Variants in GUCY1A2 observed in about 807,000 individuals in gnomAD.
GUCY1A2 encodes the protein guanylate cyclase soluble subunit alpha-2.
A neutral mutation model predicts 63.5 loss-of-function variants in GUCY1A2; 27 were observed. The ratio of observed to expected loss-of-function variants is 0.43; its 90% confidence interval spans 0.31 to 0.59. The LOEUF (loss-of-function observed/expected upper bound fraction) is 0.59. Among genes scored for constraint, GUCY1A2 ranks in the 20% least tolerant of loss-of-function variants. GUCY1A2 has a pLI of 0.11. For missense variants in GUCY1A2, 768 were observed against 913.3 expected (o/e 0.84, Z 2.05); for synonymous variants, 364 against 343.5 (o/e 1.06, Z -0.66).
At chr11:106,983,617 T>C (rs1030645302) in intron 2 of GUCY1A2, among the ~76,000 whole-genome samples, 23 of 152,142 alleles carry the variant, frequency 1.5e-4, no homozygotes, top group Non-Finnish European at 2.6e-4. Context: ...AGAAGGTTAG[T>C]GGTTGAAGGA....
chr11:106,877,087 T>C (rs777481780), intron 4 of GUCY1A2, among the ~76,000 whole-genome samples: 1 of 152,060 alleles, frequency 6.6e-6, no homozygotes, highest in Non-Finnish European at 1.5e-5. Context: ...AAGCAGCCTT[T>C]AGAAGTTGAA....
intron 6 of GUCY1A2, among the ~76,000 whole-genome samples, chr11:106,714,000 A>T (rs1285498091): frequency 3.4e-5 from 3 of 87,598 alleles, no homozygotes; most frequent in African/African-American, 1.8e-4. Context: ...CACATTTTAC[A>T]CTCTTTTTTT....
chr11:106,971,061 A>G (rs1407891612), intron 3 of GUCY1A2, among the ~76,000 whole-genome samples: 1 of 152,236 alleles, frequency 6.6e-6, no homozygotes, highest in East Asian at 1.9e-4. Flanking sequence ...AGGGATTTGG[A>G]GGTGACATGC....
At position 106,708,659 on chromosome 11, in the gene GUCY1A2, A is replaced by G; in HGVS notation, c.1844T>C (p.Ile615Thr). The G allele has an allele frequency of 6.3e-7, 1 of 1,591,880 alleles. No homozygotes were observed. Among genetic ancestry groups the G allele is most frequent in the Non-Finnish European group, 8.6e-7 (1 of 1,166,774 alleles). ...TPDGRPIQMR[I>T]GIHSGSVLAG... ...CAGCACGGAGCCTGAGTGAATTCCT[A>G]TCCTCATCTAAAGAAGAATGAAAGA... Residue 615 changes from isoleucine to threonine, a missense_variant, in exon 7 of 8, where the codon ATA becomes ACA. Transcript: ENST00000526355.
rs1862321798 is a variant in GUCY1A2, at chr11:106,674,998, T to C, written c.*12551A>G. On this transcript the variant is annotated 3_prime_UTR_variant, in exon 8 of 8. Transcript: ENST00000526355. Reference sequence around the variant, plus strand: ...TTGAAGTGAGTATTAATAGGATTATTACTATTAGGATATTACTATTAGGAT... The same window carrying C: ...TTGAAGTGAGTATTAATAGGATTATCACTATTAGGATATTACTATTAGGAT... 4.7e-6 allele frequency: 1 copy of C among 212,788 alleles called. No individual in the cohort carries two copies. The highest frequency in any genetic ancestry group is 7.0e-5 in the East Asian group (1 of 14,212). The allele number at this position is 212,788 out of a possible 1,614,324, so 13.2% of individuals were successfully genotyped here.
At chr11:106,970,515 T>G (rs886518322) in intron 3 of GUCY1A2, among the ~76,000 whole-genome samples, 3 of 152,228 alleles carry the variant, frequency 2.0e-5, no homozygotes, top group Non-Finnish European at 4.4e-5. Flanking sequence ...GTGCTGCTTT[T>G]GTTTATTAAA....
intron 4 of GUCY1A2, among the ~76,000 whole-genome samples, chr11:106,849,416 C>A (rs907272633): frequency 2.7e-5 from 4 of 150,438 alleles, no homozygotes; most frequent in Non-Finnish European, 5.9e-5. Context: ...TAATTATAAG[C>A]AAATTATAGA....
At position 106,688,497 on chromosome 11, in the gene GUCY1A2, A is replaced by G. The variant is rs76641647; in HGVS notation, c.1992-741T>C. Among the ~76,000 whole-genome samples the G allele has an allele frequency of 2.3e-3, 343 of 152,318 alleles. 8 individuals carry two copies. In the East Asian group the frequency reaches 0.041, roughly 18 times the overall value. On this transcript the variant is annotated intron_variant, in intron 7 of 7. Coordinates refer to ENST00000526355, the MANE Select transcript of GUCY1A2 (RefSeq NM_000855.3). ...GCCCAACAATTCAATTTAATTCAAC[A>G]GCTCTTGATAGACTGTTTCTTATTG...
intron 1 of GUCY1A2, among the ~76,000 whole-genome samples, chr11:106,999,477 A>G (rs1204884882): frequency 2.0e-5 from 3 of 152,138 alleles, no homozygotes; most frequent in Non-Finnish European, 4.4e-5. Flanking sequence ...TGTTTTCTTG[A>G]TGTTATGTAA....
intron 3 of GUCY1A2, among the ~76,000 whole-genome samples, chr11:106,960,025 G>A (rs895850669): frequency 1.4e-5 from 2 of 139,948 alleles, no homozygotes; most frequent in African/African-American, 2.7e-5. Context: ...CAGCAACATC[G>A]CAAACATTTT....
intron 4 of GUCY1A2, among the ~76,000 whole-genome samples, chr11:106,904,548 A>G (rs1301111718): frequency 6.6e-6 from 1 of 152,112 alleles, no homozygotes; most frequent in African/African-American, 2.4e-5. Context: ...AAATTTTTAC[A>G]TGAATTAATT....
intron 7 of GUCY1A2, among the ~76,000 whole-genome samples, chr11:106,690,316 C>A (rs114413159): frequency 2.6e-5 from 4 of 151,288 alleles, no homozygotes; most frequent in African/African-American, 9.7e-5. Flanking sequence ...GTGGTAAATA[C>A]GGACTATGGA....
chr11:106,791,540 ACAGT>A (rs3042527), intron 5 of GUCY1A2, among the ~76,000 whole-genome samples: 69,191 of 151,890 alleles, frequency 0.46, 16,072 homozygotes, highest in African/African-American at 0.51. Flanking sequence ...TGTGAAGGAG[ACAGT>A]CAGTGGAAAC....
At chr11:106,806,914 T>A (rs1033388786) in intron 5 of GUCY1A2, among the ~76,000 whole-genome samples, 1 of 152,168 alleles carries the variant, frequency 6.6e-6, no homozygotes, top group South Asian at 2.1e-4. Flanking sequence ...CTTCACTCTA[T>A]CATCTGCCTG....
chr11:106,709,621 G>GTATATATTATATACACGTATAGAATAGT (rs1863033629), intron 6 of GUCY1A2, among the ~76,000 whole-genome samples: 1 of 37,864 alleles, frequency 2.6e-5, no homozygotes, highest in Non-Finnish European at 5.7e-5. Context: ...TTATATACGT[G>GTATATATTATATACACGTATAGAATAGT]TATATATTAT....
At chr11:106,984,929 T>G (rs117995478) in intron 2 of GUCY1A2, among the ~76,000 whole-genome samples, 1,608 of 152,292 alleles carry the variant, frequency 0.011, 16 homozygotes, top group Non-Finnish European at 0.018. Context: ...AACTACACTC[T>G]TGAGGATAAG....
intron 3 of GUCY1A2, among the ~76,000 whole-genome samples, chr11:106,949,681 C>A (rs1591339552): frequency 1.3e-5 from 2 of 152,018 alleles, no homozygotes; most frequent in East Asian, 3.9e-4. Flanking sequence ...CCAGACTTAA[C>A]CTCTTGAAGA....
rs1263249630 is a variant in GUCY1A2, at chr11:106,957,890, CAGA to C, written c.488-17715_488-17713del. 5.9e-3 allele frequency among the ~76,000 whole-genome samples: 181 copies of C among 30,466 alleles called. 2 individuals are homozygous for C. The highest frequency in any genetic ancestry group is 0.02 in the African/African-American group (177 of 9,044). The allele number at this position is 30,466 out of a possible 152,430, so 20.0% of individuals were successfully genotyped here. On this transcript the variant is annotated intron_variant, in intron 3 of 7. Transcript: ENST00000526355. ...TTTTTTTTTTTTTTTTTTTTTTTTT[CAGA>C]AAAAAAAGGTGTTGTGGTAAAGAAA...
At chr11:106,871,866 C>A (rs1262402776) in intron 4 of GUCY1A2, among the ~76,000 whole-genome samples, 1 of 152,074 alleles carries the variant, frequency 6.6e-6, no homozygotes, top group African/African-American at 2.4e-5. Context: ...GGAGTATAGA[C>A]AGGAAAATAT....
Sources: allele counts gnomAD v4.1 joint callset (sites outside exome capture counted in the v4.1 genomes callset), GRCh38; gene constraint gnomAD v4.1.1; transcripts MANE v1.5; gene names NCBI Gene and HGNC (gene_info 2026-07-23, HGNC 2026-07-21).